ZNF469: variants seen among roughly 807,000 people sequenced by gnomAD.
The protein encoded by ZNF469 is zinc finger protein 469.
Under a neutral mutation model 1.0 loss-of-function variants are expected in ZNF469, and 1 was observed. The ratio of observed to expected loss-of-function variants is 1.00; its 90% CI spans 0.35 to 4.73. The LOEUF (loss-of-function observed/expected upper bound fraction) is 4.73. Ranked by LOEUF, ZNF469 falls within the 30% of genes most tolerant of loss-of-function variation. ZNF469 has a pLI of 0.16. For missense variants in ZNF469, 6,100 were observed against 5,356.3 expected (o/e 1.14, Z -4.33); for synonymous variants, 2,703 against 2,363.4 (o/e 1.14, Z -4.17).
chr16:88,411,267 G>A (rs1433008499), intron 1 of ZNF469, among the ~76,000 whole-genome samples: 3 of 152,172 alleles, frequency 2.0e-5, no homozygotes, highest in Non-Finnish European at 4.4e-5. Context: ...ACACAGAGAC[G>A]CAGGTGAGTG....
chr16:88,196,362 G>T, the ZNF469 span, among the ~76,000 whole-genome samples: 1 of 152,288 alleles, frequency 6.6e-6, no homozygotes, highest in South Asian at 2.1e-4. Context: ...TGAGGGCAAG[G>T]ATCCCAGCCT....
At chr16:88,154,771 C>T in the ZNF469 span, among the ~76,000 whole-genome samples, 33,998 of 151,946 alleles carry the variant, frequency 0.22, 4,381 homozygotes, top group East Asian at 0.51. Context: ...GGCAGCTGCC[C>T]GTGCCATCGA....
At chr16:88,284,522 G>T in the ZNF469 span, among the ~76,000 whole-genome samples, 2 of 149,226 alleles carry the variant, frequency 1.3e-5, no homozygotes, top group Non-Finnish European at 3.0e-5. Context: ...GAGGTGGGAG[G>T]ATCGCTTGAG....
the ZNF469 span, among the ~76,000 whole-genome samples, chr16:88,316,149 C>T: frequency 1.3e-5 from 2 of 152,254 alleles, no homozygotes; most frequent in African/African-American, 2.4e-5. Flanking sequence ...CAGCTTCCCC[C>T]AGGTCCGTCC....
the ZNF469 span, among the ~76,000 whole-genome samples, chr16:88,110,323 G>C: frequency 6.6e-6 from 1 of 152,230 alleles, no homozygotes; most frequent in South Asian, 2.1e-4. Flanking sequence ...AGTTGCAGGT[G>C]GTCCGCTGCC....
chr16:88,277,786 A>G, the ZNF469 span, among the ~76,000 whole-genome samples: 11 of 42,824 alleles, frequency 2.6e-4, no homozygotes, highest in African/African-American at 7.4e-4. Flanking sequence ...TGTAGATATC[A>G]GTGCACGGTT....
At chr16:88,145,990 C>T in the ZNF469 span, among the ~76,000 whole-genome samples, 1 of 152,246 alleles carries the variant, frequency 6.6e-6, no homozygotes, top group African/African-American at 2.4e-5. Context: ...TGTTGGGAGA[C>T]TGGGCCACTT....
chr16:88,323,897 G>T, the ZNF469 span, among the ~76,000 whole-genome samples: 1 of 152,208 alleles, frequency 6.6e-6, no homozygotes, highest in Admixed American at 6.5e-5. Context: ...GAGGCACGTG[G>T]GGGTGCCCAC....
the ZNF469 span, among the ~76,000 whole-genome samples, chr16:88,354,309 C>T: frequency 6.6e-6 from 1 of 152,206 alleles, no homozygotes; most frequent in Non-Finnish European, 1.5e-5. Flanking sequence ...TGCCTGCCAG[C>T]CCAGTGCCAG....
At chr16:88,322,162 C>T in the ZNF469 span, among the ~76,000 whole-genome samples, 5 of 152,352 alleles carry the variant, frequency 3.3e-5, no homozygotes, top group South Asian at 8.3e-4. Flanking sequence ...CCCGCGGCCT[C>T]GGCATCTTCT....
chr16:88,261,216 C>T, the ZNF469 span, among the ~76,000 whole-genome samples: 302 of 152,312 alleles, frequency 2.0e-3, 1 homozygote, highest in African/African-American at 6.5e-3. The surrounding 1 kb of genome is among the most constrained non-coding windows in gnomAD (Gnocchi z 6.0). Flanking sequence ...GGAAGGAGCC[C>T]GCATTTGAGG....
rs749642726 is a variant in ZNF469 at position 88,432,358 on chromosome 16, G to C, written c.4888G>C (p.Val1630Leu). The C allele has an allele frequency of 6.5e-6, 10 of 1,548,576 alleles. No homozygotes were observed. The Admixed American group carries it at 2.0e-4, about 30-fold the overall frequency. The change falls in exon 3 of 3, where the codon GTT (valine) becomes CTT (leucine). Residue 1630 changes from valine to leucine, a missense_variant. Physicochemically the swap from Val to Leu is conservative, Grantham distance 32 (BLOSUM62 1). Coordinates refer to ENST00000565624, the MANE Select transcript of ZNF469 (RefSeq NM_001367624.2). Reference sequence around the variant, plus strand: ...GTTCTCGGCAGCTGACCTCACGCGCGTTGGAGAATCCACTGCACATCGGGA... The same window carrying C: ...GTTCTCGGCAGCTGACCTCACGCGCCTTGGAGAATCCACTGCACATCGGGA... ...DTFSAADLTR[V>L]GESTAHREGA...
At chr16:88,351,931 G>A in the ZNF469 span, among the ~76,000 whole-genome samples, 29,087 of 152,204 alleles carry the variant, frequency 0.19, 3,162 homozygotes, top group African/African-American at 0.29. Context: ...GGAGAAACAC[G>A]ACGTGTCCCA....
the ZNF469 span, among the ~76,000 whole-genome samples, chr16:88,271,811 G>A: frequency 1.4e-5 from 2 of 143,804 alleles, no homozygotes; most frequent in Admixed American, 7.2e-5. Context: ...GCTCTCAGGG[G>A]TGGGTGGATG....
the ZNF469 span, among the ~76,000 whole-genome samples, chr16:88,360,426 A>G: frequency 0.017 from 2,574 of 152,000 alleles, 82 homozygotes; most frequent in East Asian, 0.13. Context: ...GTGCAGAAGA[A>G]CATCATCTCT....
At chr16:88,270,190 A>G in the ZNF469 span, among the ~76,000 whole-genome samples, 1 of 152,178 alleles carries the variant, frequency 6.6e-6, no homozygotes, top group Non-Finnish European at 1.5e-5. Context: ...CCATGTGGGT[A>G]GAGAGAGGGT....
chr16:88,360,732 A>G, the ZNF469 span, among the ~76,000 whole-genome samples: 68 of 105,278 alleles, frequency 6.5e-4, 1 homozygote, highest in African/African-American at 2.2e-3. Flanking sequence ...CAGCGCCCGC[A>G]TGCTCCCTCA....
At chr16:88,251,877 C>T in the ZNF469 span, among the ~76,000 whole-genome samples, 2 of 151,868 alleles carry the variant, frequency 1.3e-5, no homozygotes, top group African/African-American at 4.8e-5. Flanking sequence ...CTTCTTATGG[C>T]TCCAGCTGCT....
At chr16:88,245,041 G>A in the ZNF469 span, among the ~76,000 whole-genome samples, 1 of 152,004 alleles carries the variant, frequency 6.6e-6, no homozygotes, top group Non-Finnish European at 1.5e-5. Context: ...TGAGCAGCAG[G>A]ACACACCCGT....
Sources: allele counts gnomAD v4.1 joint callset (sites outside exome capture counted in the v4.1 genomes callset), GRCh38; gene constraint gnomAD v4.1.1; non-coding constraint Gnocchi (gnomAD v3.1); transcripts MANE v1.5; gene names NCBI Gene and HGNC (gene_info 2026-07-23, HGNC 2026-07-21).